DSG4: variants seen among roughly 807,000 people sequenced by gnomAD.
DSG4 encodes the protein desmoglein-4.
A neutral mutation model predicts 93.1 loss-of-function variants in DSG4; 87 were observed. The observed-to-expected ratio is 0.93, with a 90% CI of 0.79 to 1.12. The LOEUF is 1.12. Among genes scored for constraint, DSG4 ranks in the 50% most tolerant of loss-of-function variants. DSG4 has a pLI of 0.00. For missense variants in DSG4, 1,373 were observed against 1,285.7 expected (o/e 1.07, Z -1.04); for synonymous variants, 432 against 452.9 (o/e 0.95, Z 0.59).
In DSG4 at chr18:31,388,444, G is replaced by A. The variant is rs1429883004; in HGVS notation, c.294G>A (p.Gly98=). The part of the protein sequence containing the change: ...SGVGIDRPPY[G]VFTINPRTGE... ...TAGGGATTGATCGACCACCATATGG[G>A]GTATTCACCATTAATCCTCGCACTG... The change falls in exon 4 of 16, where the codon GGG becomes GGA. Residue 98 remains glycine, a synonymous_variant. Coordinates refer to ENST00000308128, the MANE Select transcript of DSG4 (RefSeq NM_177986.5). The A allele has an allele frequency of 6.2e-7, 1 of 1,613,394 alleles. No individual in the cohort carries two copies. Among genetic ancestry groups the A allele is most frequent in the East Asian group, 2.2e-5 (1 of 44,846 alleles).
chr18:31,378,063 G>A (rs867158829), intron 1 of DSG4, among the ~76,000 whole-genome samples: 17 of 152,152 alleles, frequency 1.1e-4, no homozygotes, highest in African/African-American at 2.9e-4. Flanking sequence ...AGAGCAGTGC[G>A]GGAGCCGAAC....
At chr18:31,394,411 C>A (rs1420568951) in intron 8 of DSG4, among the ~76,000 whole-genome samples, 2 of 152,104 alleles carry the variant, frequency 1.3e-5, no homozygotes, top group Non-Finnish European at 2.9e-5. Flanking sequence ...AACCCCATCT[C>A]TACTAAAAAT....
chr18:31,408,999 T>C (rs1248121249), intron 12 of DSG4, among the ~76,000 whole-genome samples: 1 of 152,192 alleles, frequency 6.6e-6, no homozygotes, highest in Non-Finnish European at 1.5e-5. Flanking sequence ...TAGTGAGTAT[T>C]ATTTGACTTC....
At chr18:31,382,395 C>T (rs1371197041) in intron 1 of DSG4, 1 of 151,984 alleles carries the variant, frequency 6.6e-6, no homozygotes, top group African/African-American at 2.4e-5. Flanking sequence ...TCTATTCTTT[C>T]CCCCCTGTCT....
intron 2 of DSG4, 125 bp from the exon 3 acceptor site, chr18:31,386,563 C>T (rs1598736758): frequency 2.8e-6 from 4 of 1,431,318 alleles, no homozygotes; most frequent in Non-Finnish European, 3.9e-6. Flanking sequence ...TTGGTGAAAA[C>T]ATTCTCTGTT....
intron 12 of DSG4, among the ~76,000 whole-genome samples, chr18:31,408,382 AG>A (rs1392870176): frequency 6.6e-6 from 1 of 152,244 alleles, no homozygotes; most frequent in Non-Finnish European, 1.5e-5. Flanking sequence ...ACCATGGCCT[AG>A]GGGCTACCAA....
Position 31,414,494 on chromosome 18 carries a change from T to G in DSG4, c.*899T>G, listed in dbSNP as rs2072535393. ...AAAGCACTCTGTAGTTATTCATATA[T>G]TCTACAATATTTACTTAGAAGCAAC... On this transcript the variant is annotated 3_prime_UTR_variant, in exon 16 of 16. Coordinates refer to ENST00000308128, the MANE Select transcript of DSG4 (RefSeq NM_177986.5). 2 of 152,224 alleles carry G rather than the reference T, an allele frequency of 1.3e-5. No individual in the cohort carries two copies. Among genetic ancestry groups the G allele is most frequent in the Admixed American group, 6.5e-5 (1 of 15,290 alleles). 9.4% of individuals were successfully genotyped at this position (152,224 alleles called of 1,614,324 possible).
At chr18:31,388,673 A>G in intron 4 of DSG4, 151 bp downstream of exon 4, 2 of 1,319,708 alleles carry the variant, frequency 1.5e-6, no homozygotes, top group Non-Finnish European at 2.1e-6. Context: ...GTGTGAAAAT[A>G]AAAGTTTATA....
chr18:31,378,603 G>A (rs1017388866), intron 1 of DSG4, among the ~76,000 whole-genome samples: 1 of 152,096 alleles, frequency 6.6e-6, no homozygotes, highest in South Asian at 2.1e-4. Context: ...TAATACTAGC[G>A]TTTTTAATAC....
rs1479691499 is a variant in DSG4, at chr18:31,388,538, A to G, written c.372+16A>G. 1 of 1,612,810 alleles carries G rather than the reference A, an allele frequency of 6.2e-7. No individual in the cohort carries two copies. The highest frequency in any genetic ancestry group is 1.3e-5 in the African/African-American group (1 of 74,862). ...ACTTTTCTTGGTAAGTCATAGCCAT[A>G]TGTTTTGATTTGTTCATATTAGTTT... On this transcript the variant is annotated intron_variant, in intron 4 of 15. Transcript: ENST00000308128.
chr18:31,392,001 T>C (rs2072254913), intron 7 of DSG4, among the ~76,000 whole-genome samples, 154 bp from the exon 8 acceptor site: 1 of 152,238 alleles, frequency 6.6e-6, no homozygotes, highest in Non-Finnish European at 1.5e-5. Context: ...AATCATTTTA[T>C]TCTTATTCTC....
At chr18:31,411,633 A>C (rs941884192) in intron 15 of DSG4, among the ~76,000 whole-genome samples, 185 bp downstream of exon 15, 24 of 152,160 alleles carry the variant, frequency 1.6e-4, no homozygotes, top group African/African-American at 5.8e-4. Context: ...AGGATTTCAT[A>C]TTCAACTGCC....
intron 1 of DSG4, 50 bp downstream of exon 1, chr18:31,377,009 T>A: frequency 6.3e-7 from 1 of 1,591,624 alleles, no homozygotes; most frequent in Non-Finnish European, 8.6e-7. Flanking sequence ...CAAGGTCTTG[T>A]CTCTGTCAAC....
intron 1 of DSG4, among the ~76,000 whole-genome samples, chr18:31,382,161 C>T (rs2072142636): frequency 6.6e-6 from 1 of 152,138 alleles, no homozygotes; most frequent in South Asian, 2.1e-4. Flanking sequence ...CCCTCAACAG[C>T]ACATGCCTCC....
At chr18:31,385,958 G>T (rs8086756) in intron 2 of DSG4, among the ~76,000 whole-genome samples, 107,718 of 151,930 alleles carry the variant, frequency 0.71, 38,984 homozygotes, top group East Asian at 0.89. Flanking sequence ...TATACAAATA[G>T]GCTTGCACAT....
At chr18:31,383,230 T>C (rs2072154583) in intron 1 of DSG4, among the ~76,000 whole-genome samples, 1 of 152,196 alleles carries the variant, frequency 6.6e-6, no homozygotes, top group South Asian at 2.1e-4. Context: ...AGCCAGGGGA[T>C]TTGTCCAAAG....
intron 9 of DSG4, among the ~76,000 whole-genome samples, chr18:31,400,286 A>G (rs2072350621): frequency 6.6e-6 from 1 of 152,216 alleles, no homozygotes; most frequent in African/African-American, 2.4e-5. Context: ...ACGCAAAAAA[A>G]CCTGTGAAGT....
intron 8 of DSG4, among the ~76,000 whole-genome samples, chr18:31,397,907 G>A (rs1005518996): frequency 6.6e-6 from 1 of 151,430 alleles, no homozygotes; most frequent in Non-Finnish European, 1.5e-5. Flanking sequence ...CATGCTTATA[G>A]TCCCAGCTAC....
At chr18:31,400,429 T>G (rs906619228) in intron 9 of DSG4, among the ~76,000 whole-genome samples, 1 of 152,092 alleles carries the variant, frequency 6.6e-6, no homozygotes, top group Non-Finnish European at 1.5e-5. Context: ...AAGATCCAGA[T>G]AGTCACACTG....
Sources: gnomAD v4.1 joint callset for allele counts (sites outside exome capture counted in the v4.1 genomes callset) on GRCh38, gnomAD v4.1.1 for gene constraint, MANE v1.5 for transcripts, NCBI Gene and HGNC (gene_info 2026-07-23, HGNC 2026-07-21) for gene names.